The following GRM3 variants were observed in gnomAD, a reference collection of about 807,000 sequenced individuals.
GRM3 encodes the protein metabotropic glutamate receptor 3.
In GRM3, 26 loss-of-function variants were observed where a neutral mutation model predicts 70.5. The observed-to-expected ratio is 0.37, with a 90% CI of 0.27 to 0.51. GRM3 has a LOEUF of 0.51. Among genes scored for constraint, GRM3 ranks in the 20% least tolerant of loss-of-function variants. The pLI is 0.93. For synonymous variants in GRM3, 443 were observed against 434.9 expected (o/e 1.02, Z -0.23); for missense variants, 859 against 1,123.8 (o/e 0.76, Z 3.37).
At chr7:86,781,682 C>T (rs1174492786) in intron 2 of GRM3, among the ~76,000 whole-genome samples, 1 of 152,062 alleles carries the variant, frequency 6.6e-6, no homozygotes, top group East Asian at 1.9e-4. Flanking sequence ...AGGTTTAGAT[C>T]ATCTTCACAG....
chr7:86,817,608 G>T (rs922535486), intron 3 of GRM3, among the ~76,000 whole-genome samples: 2 of 151,906 alleles, frequency 1.3e-5, no homozygotes, highest in African/African-American at 4.8e-5. Flanking sequence ...AAGGCTGAAG[G>T]TCAGTGCAAA....
chr7:86,646,470 G>A (rs1468591139), intron 1 of GRM3, among the ~76,000 whole-genome samples: 2 of 152,126 alleles, frequency 1.3e-5, no homozygotes, highest in Admixed American at 6.6e-5. Flanking sequence ...AGGAGCTCAG[G>A]ATGGAAAATG....
intron 3 of GRM3, among the ~76,000 whole-genome samples, chr7:86,801,089 G>A (rs1326247099): frequency 5.9e-5 from 1 of 17,056 alleles, no homozygotes; most frequent in African/African-American, 2.4e-4. Context: ...TTTTTTTTTT[G>A]AGACACAGTC....
At chr7:86,736,789 T>C (rs533403519) in intron 1 of GRM3, among the ~76,000 whole-genome samples, 71 of 152,300 alleles carry the variant, frequency 4.7e-4, no homozygotes, top group African/African-American at 1.6e-3. Context: ...GGAACTATGA[T>C]CTTACTGCAT....
chr7:86,825,642 G>C (rs976038373), intron 3 of GRM3, among the ~76,000 whole-genome samples: 1 of 152,190 alleles, frequency 6.6e-6, no homozygotes, highest in African/African-American at 2.4e-5. Flanking sequence ...GGAAATTTCA[G>C]TTACTGCATG....
At chr7:86,826,643 T>C (rs1283655302) in intron 3 of GRM3, among the ~76,000 whole-genome samples, 1 of 152,208 alleles carries the variant, frequency 6.6e-6, no homozygotes, top group Admixed American at 6.5e-5. Context: ...AAGGAATTTA[T>C]CAGGCATAGA....
At chr7:86,718,073 A>C (rs1243520963) in intron 1 of GRM3, among the ~76,000 whole-genome samples, 1 of 151,982 alleles carries the variant, frequency 6.6e-6, no homozygotes. Context: ...AAGCAAAATT[A>C]ATGTCTTCAT....
At chr7:86,799,534 G>GT (rs911123199) in intron 3 of GRM3, among the ~76,000 whole-genome samples, 155 of 146,668 alleles carry the variant, frequency 1.1e-3, no homozygotes, top group Middle Eastern at 3.5e-3. Flanking sequence ...TCAATACCTA[G>GT]TTTTTTTTTT....
chr7:86,741,549 C>T (rs745884181), intron 1 of GRM3, among the ~76,000 whole-genome samples: 3 of 152,144 alleles, frequency 2.0e-5, no homozygotes, highest in Admixed American at 6.6e-5. Flanking sequence ...CTGGTGTGAG[C>T]TACTGAAGAG....
intron 1 of GRM3, among the ~76,000 whole-genome samples, chr7:86,651,655 G>A (rs1793608731): frequency 6.6e-6 from 1 of 152,040 alleles, no homozygotes. Context: ...CCACATATAT[G>A]GACTGGTGAC....
At chr7:86,703,155 T>C (rs1402980082) in intron 1 of GRM3, among the ~76,000 whole-genome samples, 1 of 151,930 alleles carries the variant, frequency 6.6e-6, no homozygotes, top group Non-Finnish European at 1.5e-5. Context: ...AATATGAACA[T>C]TTCTTAAGTC....
intron 1 of GRM3, among the ~76,000 whole-genome samples, chr7:86,725,580 C>T (rs1225621307): frequency 6.6e-6 from 1 of 152,146 alleles, no homozygotes; most frequent in African/African-American, 2.4e-5. Flanking sequence ...CCACTATCAA[C>T]AATACAGCAG....
chr7:86,665,145 G>T (rs1212293861), intron 1 of GRM3, among the ~76,000 whole-genome samples: 1 of 151,880 alleles, frequency 6.6e-6, no homozygotes, highest in Non-Finnish European at 1.5e-5. Context: ...TTTTCGTTCC[G>T]TTTTATTCCA....
chr7:86,651,081 A>G (rs1375568252), intron 1 of GRM3, among the ~76,000 whole-genome samples: 1 of 152,208 alleles, frequency 6.6e-6, no homozygotes, highest in Non-Finnish European at 1.5e-5. Flanking sequence ...TGGAGATTCC[A>G]AAGACTGTTG....
chr7:86,835,744 G>A (rs567890866), intron 3 of GRM3, among the ~76,000 whole-genome samples: 114 of 152,108 alleles, frequency 7.5e-4, no homozygotes, highest in African/African-American at 2.6e-3. Context: ...CTGAGTAGCT[G>A]GGAACACAGG....
Position 86,753,102 on chromosome 7 carries a change from C to T in GRM3, c.-140-11904C>T, listed in dbSNP as rs138036630. On this transcript the variant is annotated intron_variant, in intron 1 of 5. Coordinates refer to ENST00000361669, the MANE Select transcript of GRM3 (RefSeq NM_000840.3). Reference sequence around the variant, plus strand: ...CATCATCCGCACAGCCAGCAGTTCCCCAAGATCACACACCACCTTACACCT... The same window carrying T: ...CATCATCCGCACAGCCAGCAGTTCCTCAAGATCACACACCACCTTACACCT... 2.3e-3 allele frequency among the ~76,000 whole-genome samples: 356 copies of T among 152,062 alleles called. 1 individual carries two copies. The highest frequency in any genetic ancestry group is 8.4e-3 in the African/African-American group (349 of 41,492).
chr7:86,652,234 T>C (rs915989496), intron 1 of GRM3, among the ~76,000 whole-genome samples: 6 of 152,310 alleles, frequency 3.9e-5, no homozygotes, highest in African/African-American at 1.2e-4. Flanking sequence ...CTACTTTTTT[T>C]TTCTTCTTCT....
At chr7:86,752,898 G>T (rs1796262535) in intron 1 of GRM3, among the ~76,000 whole-genome samples, 1 of 152,016 alleles carries the variant, frequency 6.6e-6, no homozygotes, top group Non-Finnish European at 1.5e-5. Context: ...AGGGAGTAAG[G>T]ATGCTAACAT....
chr7:86,732,006 T>G (rs1033035849), intron 1 of GRM3, among the ~76,000 whole-genome samples: 1 of 152,194 alleles, frequency 6.6e-6, no homozygotes, highest in Admixed American at 6.5e-5. Context: ...TATTGAGGAT[T>G]GGTAATTTAT....
Sources: gnomAD v4.1 joint callset for allele counts (sites outside exome capture counted in the v4.1 genomes callset) on GRCh38, gnomAD v4.1.1 for gene constraint, MANE v1.5 for transcripts, NCBI Gene and HGNC (gene_info 2026-07-23, HGNC 2026-07-21) for gene names.